TENM2: variants seen among roughly 807,000 people sequenced by gnomAD.
TENM2 encodes teneurin transmembrane protein 2, also known as teneurin-2.
Under a neutral mutation model 245.2 loss-of-function variants are expected in TENM2, and 52 were observed. That is an observed-to-expected ratio of 0.21 (90% CI 0.17 to 0.27). The LOEUF (loss-of-function observed/expected upper bound fraction) is 0.27, where lower values mean the gene tolerates loss of function less well. TENM2 is among the 10% of genes least tolerant of loss of function. The pLI, the probability that TENM2 is intolerant of heterozygous loss-of-function variation, is 1.00. For missense variants in TENM2, 3,046 were observed against 3,666.8 expected, an observed-to-expected ratio of 0.83 and a Z score of 4.37; for synonymous variants, 1,363 against 1,438.9, an observed-to-expected ratio of 0.95 and a Z score of 1.19.
chr5:167,600,695 G>T (rs1459348819), intron 2 of TENM2, among the ~76,000 whole-genome samples: 2 of 152,142 alleles, frequency 1.3e-5, no homozygotes, highest in African/African-American at 2.4e-5. Flanking sequence ...ACCCTGTCAC[G>T]CTGGGTTAAC....
chr5:167,067,333 C>T, the TENM2 span, among the ~76,000 whole-genome samples: 1 of 151,988 alleles, frequency 6.6e-6, no homozygotes. Context: ...AGCCTTTGAA[C>T]ATAAGCTTTG....
chr5:168,014,362 A>G (rs969463638), intron 5 of TENM2, among the ~76,000 whole-genome samples: 3 of 152,172 alleles, frequency 2.0e-5, no homozygotes, highest in Non-Finnish European at 4.4e-5. Context: ...GACCTTCTCC[A>G]AATTATGTAA....
intron 2 of TENM2, among the ~76,000 whole-genome samples, chr5:167,753,211 G>A (rs1228841544): frequency 6.6e-6 from 1 of 152,186 alleles, no homozygotes; most frequent in African/African-American, 2.4e-5. Flanking sequence ...AAAAACCCAG[G>A]AAGACTGCTA....
intron 2 of TENM2, among the ~76,000 whole-genome samples, chr5:167,522,879 A>G (rs1770858597): frequency 6.6e-6 from 1 of 151,774 alleles, no homozygotes; most frequent in Admixed American, 6.6e-5. Flanking sequence ...TTATGTGACT[A>G]TCCTAGGGCT....
Position 167,951,503 on chromosome 5 carries a change from G to A in TENM2, c.713-1085G>A, listed in dbSNP as rs193049566. Among the ~76,000 whole-genome samples, 86 of 152,190 alleles carry A rather than the reference G, an allele frequency of 5.7e-4. 2 individuals are homozygous for A. Among genetic ancestry groups the A allele is most frequent in the Admixed American group, 3.9e-3 (59 of 15,292 alleles). On this transcript the variant is annotated intron_variant, in intron 3 of 28. Transcript: ENST00000518659. The stretch of plus-strand genomic sequence containing the variant: ...TATTTCATTTTGTAGATTGAGAATC[G>A]GTTGCTAGGAAAACCTTGTGTGGAG...
At chr5:167,807,817 T>A (rs890886262) in intron 2 of TENM2, among the ~76,000 whole-genome samples, 1 of 152,122 alleles carries the variant, frequency 6.6e-6, no homozygotes, top group Non-Finnish European at 1.5e-5. Flanking sequence ...AAATTTGTAG[T>A]GCATTAGAAA....
At position 167,754,963 on chromosome 5, in the gene TENM2, C is replaced by A. The variant is rs555083317; in HGVS notation, c.503-121023C>A. 2.0e-6 allele frequency: 3 copies of A among 1,519,178 alleles called. No homozygotes were observed. The East Asian group carries it at 7.0e-5, about 35-fold the overall frequency. The allele number at this position is 1,519,178 out of a possible 1,614,324, so 94.1% of individuals were successfully genotyped here. On this transcript the variant is annotated intron_variant, in intron 2 of 28. Transcript: ENST00000518659. Reference sequence around the variant, plus strand: ...GCTTTTCCTTCCCAGCTGGAGAAGGCCTCAGCTGTGTCAGACTGGGACTGC... The same window carrying A: ...GCTTTTCCTTCCCAGCTGGAGAAGGACTCAGCTGTGTCAGACTGGGACTGC...
At chr5:167,695,853 T>G (rs1757729056) in intron 2 of TENM2, among the ~76,000 whole-genome samples, 1 of 151,598 alleles carries the variant, frequency 6.6e-6, no homozygotes, top group Non-Finnish European at 1.5e-5. Context: ...GCTAACATGA[T>G]GAAACCCCGT....
At chr5:167,805,043 C>T (rs1170178600) in intron 2 of TENM2, among the ~76,000 whole-genome samples, 1 of 152,144 alleles carries the variant, frequency 6.6e-6, no homozygotes, top group Admixed American at 6.6e-5. Flanking sequence ...GAATGAAGTT[C>T]ACCAGGCATC....
chr5:167,127,637 AAAAG>A, the TENM2 span, among the ~76,000 whole-genome samples: 1 of 151,174 alleles, frequency 6.6e-6, no homozygotes, highest in African/African-American at 2.4e-5. Flanking sequence ...TTAAAAAAAA[AAAAG>A]GAAAAGGAAA....
chr5:167,545,655 TTCACATAAGATACATGG>T (rs1772513552), intron 2 of TENM2, among the ~76,000 whole-genome samples: 1 of 152,222 alleles, frequency 6.6e-6, no homozygotes, highest in Non-Finnish European at 1.5e-5. Flanking sequence ...GATTTATGCT[TTCACATAAGATACATGG>T]TTTTATGCTT....
At chr5:168,075,992 C>T (rs991128719) in intron 7 of TENM2, among the ~76,000 whole-genome samples, 4 of 152,096 alleles carry the variant, frequency 2.6e-5, no homozygotes, top group South Asian at 4.2e-4. Flanking sequence ...CCTCCCACGA[C>T]ACATGGGAAT....
chr5:167,405,767 CAA>C (rs1044914599), intron 2 of TENM2, among the ~76,000 whole-genome samples: 4 of 104,492 alleles, frequency 3.8e-5, no homozygotes, highest in Non-Finnish European at 8.0e-5. Context: ...CACACACACA[CAA>C]ACACACACAC....
At chr5:167,245,896 A>G in the TENM2 span, among the ~76,000 whole-genome samples, 2 of 152,254 alleles carry the variant, frequency 1.3e-5, no homozygotes, top group East Asian at 3.9e-4. Context: ...GCTTCCTAAT[A>G]TTCTTTGTCA....
chr5:168,237,975 T>C (rs933533654), intron 25 of TENM2, among the ~76,000 whole-genome samples: 35 of 151,174 alleles, frequency 2.3e-4, no homozygotes, highest in Non-Finnish European at 3.2e-4. Context: ...ACCCCGTCTC[T>C]ACTAAAAAAA....
At chr5:167,030,282 G>A in the TENM2 span, among the ~76,000 whole-genome samples, 1 of 152,048 alleles carries the variant, frequency 6.6e-6, no homozygotes, top group Non-Finnish European at 1.5e-5. Flanking sequence ...CAAATGTTTC[G>A]TTGTAAACTT....
the TENM2 span, among the ~76,000 whole-genome samples, chr5:167,162,289 T>A: frequency 6.6e-6 from 1 of 152,052 alleles, no homozygotes; most frequent in African/African-American, 2.4e-5. Flanking sequence ...TATTCTCAAA[T>A]ACTCAAATAT....
At chr5:168,243,790 G>A (rs970757335) in intron 25 of TENM2, among the ~76,000 whole-genome samples, 3 of 152,138 alleles carry the variant, frequency 2.0e-5, no homozygotes, top group Admixed American at 2.0e-4. Context: ...ACGATCCTAT[G>A]GCACCCTTTG....
the TENM2 span, among the ~76,000 whole-genome samples, chr5:167,249,573 G>A: frequency 2.6e-5 from 4 of 152,110 alleles, no homozygotes; most frequent in African/African-American, 9.7e-5. Flanking sequence ...TAGGTTTGGG[G>A]ATGGTACGTT....
Sources: allele counts gnomAD v4.1 joint callset (sites outside exome capture counted in the v4.1 genomes callset), GRCh38; gene constraint gnomAD v4.1.1; transcripts MANE v1.5; gene names NCBI Gene and HGNC (gene_info 2026-07-23, HGNC 2026-07-21).